Variants in SWAP70 observed in about 807,000 individuals in gnomAD.
SWAP70 encodes switching B cell complex subunit SWAP70, also known as switch-associated protein 70.
A neutral mutation model predicts 80.2 loss-of-function variants in SWAP70; 34 were observed. The ratio of observed to expected loss-of-function variants is 0.42; its 90% confidence interval spans 0.32 to 0.56. The LOEUF (loss-of-function observed/expected upper bound fraction) is 0.56. Ranked by LOEUF, SWAP70 falls within the 20% of genes least tolerant of loss-of-function variation. The pLI, the probability that SWAP70 is intolerant of heterozygous loss-of-function variation, is 0.09. For synonymous variants in SWAP70, 239 were observed against 238.5 expected, an observed-to-expected ratio of 1.00 and a Z score of -0.02; for missense variants, 578 against 690.7, an observed-to-expected ratio of 0.84 and a Z score of 1.83.
At chr11:9,710,923 A>G (rs1470060747) in intron 2 of SWAP70, among the ~76,000 whole-genome samples, 1 of 150,934 alleles carries the variant, frequency 6.6e-6, no homozygotes, top group Non-Finnish European at 1.5e-5. Context: ...GGCTCAAGGA[A>G]TCTTTATGCT....
At chr11:9,748,604 G>C (rs1331979645) in intron 10 of SWAP70, among the ~76,000 whole-genome samples, 1 of 152,232 alleles carries the variant, frequency 6.6e-6, no homozygotes, top group Non-Finnish European at 1.5e-5. Context: ...TGTTCTGAGT[G>C]CCACAGGAGC....
intron 4 of SWAP70, among the ~76,000 whole-genome samples, chr11:9,725,562 TA>T (rs1564829553): frequency 0.023 from 485 of 20,644 alleles, 4 homozygotes; most frequent in South Asian, 0.036. Flanking sequence ...TATATATATA[TA>T]TATATATTTT....
intron 8 of SWAP70, among the ~76,000 whole-genome samples, chr11:9,738,959 G>C (rs1851400351): frequency 6.6e-6 from 1 of 152,096 alleles, no homozygotes; most frequent in African/African-American, 2.4e-5. Flanking sequence ...CTGCCATTCT[G>C]GTATAATTAT....
chr11:9,743,722 C>T (rs1436168709), intron 9 of SWAP70, among the ~76,000 whole-genome samples: 1 of 151,796 alleles, frequency 6.6e-6, no homozygotes. Flanking sequence ...CTGTTCATGT[C>T]CTTCGCCCAC....
At chr11:9,735,602 G>T (rs1851353452) in intron 7 of SWAP70, among the ~76,000 whole-genome samples, 1 of 152,214 alleles carries the variant, frequency 6.6e-6, no homozygotes, top group East Asian at 1.9e-4. Context: ...CATCTTGAGT[G>T]TTGCTATTCA....
chr11:9,708,467 C>T (rs1261303915), intron 2 of SWAP70, among the ~76,000 whole-genome samples: 1 of 152,156 alleles, frequency 6.6e-6, no homozygotes, highest in Non-Finnish European at 1.5e-5. Flanking sequence ...CGAATAATTC[C>T]TTTGCCCATT....
At chr11:9,720,468 G>A (rs1005441821) in intron 3 of SWAP70, 11 of 985,302 alleles carry the variant, frequency 1.1e-5, no homozygotes, top group African/African-American at 1.0e-4. Context: ...TGTGAATGAC[G>A]TGGGTTCAGT....
chr11:9,743,006 G>A (rs566662849), intron 9 of SWAP70, among the ~76,000 whole-genome samples: 3 of 148,234 alleles, frequency 2.0e-5, no homozygotes, highest in Non-Finnish European at 3.0e-5. Context: ...CCATTAACTC[G>A]TCATTTAGCA....
At position 9,724,559 on chromosome 11, in the gene SWAP70, A is replaced by G. The variant is rs899984447; in HGVS notation, c.415-99A>G. On this transcript the variant is annotated intron_variant, in intron 3 of 11. Transcript: ENST00000318950. ...AGGCATTTTTGGAACTGTAAAGAGT[A>G]TTTCCTAAGTTGAACTTATCAGTGT... The G allele has an allele frequency of 1.0e-5, 9 of 872,712 alleles. No homozygotes were observed. The African/African-American group carries it at 1.2e-4, about 12-fold the overall frequency. The allele number at this position is 872,712 out of a possible 1,614,324, so 54.1% of individuals were successfully genotyped here. A position where few individuals can be genotyped will look rare whatever the true frequency, so the allele number is the denominator to read the frequency against.
At position 9,710,541 on chromosome 11, in the gene SWAP70, A is replaced by G. The variant is rs571090137; in HGVS notation, c.241-2925A>G. On this transcript the variant is annotated intron_variant, in intron 2 of 11. Coordinates refer to ENST00000318950, the MANE Select transcript of SWAP70 (RefSeq NM_015055.4). ...CTGCGGACAGCTGGTGACTTTTTTC[A>G]TATAGTGAAAAAATGGTTTGTTCAT... Among the ~76,000 whole-genome samples, 23 of 152,270 alleles carry G rather than the reference A, an allele frequency of 1.5e-4. No individual in the cohort carries two copies. The Middle Eastern group carries it at 0.01, about 68-fold the overall frequency.
chr11:9,701,691 CTTTTTTTTT>C (rs1163108695), intron 2 of SWAP70, among the ~76,000 whole-genome samples: 12 of 68,526 alleles, frequency 1.8e-4, no homozygotes, highest in East Asian at 9.2e-4. Flanking sequence ...TTTGTGGGCT[CTTTTTTTTT>C]TTTTTTTTTT....
At chr11:9,719,177 G>A (rs889941778) in intron 3 of SWAP70, among the ~76,000 whole-genome samples, 2 of 151,502 alleles carry the variant, frequency 1.3e-5, no homozygotes, top group Non-Finnish European at 2.9e-5. Flanking sequence ...GGCTGAGGCA[G>A]GCTGATCACT....
At chr11:9,708,847 T>TCCCATAGATGGCCTCCAC (rs1850956839) in intron 2 of SWAP70, among the ~76,000 whole-genome samples, 1 of 152,198 alleles carries the variant, frequency 6.6e-6, no homozygotes, top group Admixed American at 6.5e-5. Flanking sequence ...ATGGCATTCA[T>TCCCATAGATGGCCTCCAC]CCCATAGATG....
intron 9 of SWAP70, among the ~76,000 whole-genome samples, chr11:9,742,347 T>G (rs1430050710): frequency 6.6e-6 from 1 of 152,092 alleles, no homozygotes; most frequent in Non-Finnish European, 1.5e-5. Flanking sequence ...CTGCTCCCTT[T>G]TTTTTTCTGA....
At chr11:9,671,175 TA>T (rs1318331636) in intron 1 of SWAP70, among the ~76,000 whole-genome samples, 2 of 117,660 alleles carry the variant, frequency 1.7e-5, no homozygotes, top group African/African-American at 6.7e-5. Context: ...TTTATAAATA[TA>T]AATATAAAAA....
At chr11:9,673,083 A>G (rs1590009317) in intron 1 of SWAP70, among the ~76,000 whole-genome samples, 1 of 152,204 alleles carries the variant, frequency 6.6e-6, no homozygotes, top group East Asian at 1.9e-4. Flanking sequence ...TTCAATTCCA[A>G]CACTATCTAC....
chr11:9,666,229 G>A (rs978941656), intron 1 of SWAP70, among the ~76,000 whole-genome samples: 12 of 151,758 alleles, frequency 7.9e-5, no homozygotes, highest in Non-Finnish European at 2.9e-5. Flanking sequence ...GGGATTGCAG[G>A]TGTGCGTCAC....
At chr11:9,677,821 T>C (rs1850520069) in intron 1 of SWAP70, among the ~76,000 whole-genome samples, 1 of 135,282 alleles carries the variant, frequency 7.4e-6, no homozygotes, top group South Asian at 2.3e-4. Context: ...GAAAAAAATT[T>C]TGATGAACAA....
At chr11:9,699,013 A>AAAG (rs113636457) in intron 2 of SWAP70, among the ~76,000 whole-genome samples, 20,333 of 152,126 alleles carry the variant, frequency 0.13, 2,899 homozygotes, top group African/African-American at 0.36. Flanking sequence ...ATTCGGAAAA[A>AAAG]AAGGAAGAAA....
Sources: gnomAD v4.1 joint callset for allele counts (sites outside exome capture counted in the v4.1 genomes callset) on GRCh38, gnomAD v4.1.1 for gene constraint, MANE v1.5 for transcripts, NCBI Gene and HGNC (gene_info 2026-07-23, HGNC 2026-07-21) for gene names.